Variants in CPEB2 observed in about 807,000 individuals in gnomAD.
CPEB2 encodes the protein cytoplasmic polyadenylation element binding protein 2, also known as cytoplasmic polyadenylation element-binding protein 2.
A neutral mutation model predicts 93.6 loss-of-function variants in CPEB2; 56 were observed. The ratio of observed to expected loss-of-function variants is 0.60; its 90% CI spans 0.48 to 0.75. The LOEUF is 0.75. Among genes scored for constraint, CPEB2 ranks in the 30% least tolerant of loss-of-function variants. The pLI is 0.00. For synonymous variants in CPEB2, 764 were observed against 586.3 expected (o/e 1.30, Z -4.38); for missense variants, 1,579 against 1,395.1 (o/e 1.13, Z -2.10).
At chr4:15,046,756 A>G (rs890707312) in intron 6 of CPEB2, among the ~76,000 whole-genome samples, 3 of 152,130 alleles carry the variant, frequency 2.0e-5, no homozygotes, top group African/African-American at 7.2e-5. Flanking sequence ...CCTATTTTCC[A>G]GTAGCGTATT....
chr4:15,033,251 A>C (rs374525071), intron 5 of CPEB2, 40 bp downstream of exon 5: 538 of 1,260,392 alleles, frequency 4.3e-4, no homozygotes, highest in Non-Finnish European at 5.8e-4. Context: ...CAGTTGATTT[A>C]TGTAAAGATG....
rs527630065 is a variant in CPEB2 at position 15,003,723 on chromosome 4, GGGC to G, written c.1068_1070del (p.Gly360del). ...TGCAGAGCCCGGACCTTCCACACCC[GGGC>G]GGCGGCGGCGGCGGCGGGGGCGGGG... On this transcript the variant is annotated inframe_deletion, in exon 1 of 12. Transcript: ENST00000538197. The G allele has an allele frequency of 8.4e-4, 1,090 of 1,292,958 alleles. No individual in the cohort carries two copies. The highest frequency in any genetic ancestry group is 4.1e-3 in the South Asian group (163 of 39,464). 80.1% of individuals were successfully genotyped at this position (1,292,958 alleles called of 1,614,324 possible).
intron 3 of CPEB2, among the ~76,000 whole-genome samples, chr4:15,015,759 C>G (rs963068059): frequency 6.6e-6 from 1 of 151,952 alleles, no homozygotes; most frequent in African/African-American, 2.4e-5. Flanking sequence ...CCAAGACAAT[C>G]AGTGGATGGC....
chr4:15,043,643 A>G (rs917203066), intron 6 of CPEB2, among the ~76,000 whole-genome samples: 5 of 152,142 alleles, frequency 3.3e-5, no homozygotes, highest in African/African-American at 1.2e-4. Flanking sequence ...CTATAGCACA[A>G]TAAGTTCCTT....
intron 1 of CPEB2, 117 bp from the exon 2 acceptor site, chr4:15,007,188 G>T: frequency 1.3e-6 from 1 of 769,376 alleles, no homozygotes; most frequent in Non-Finnish European, 1.9e-6. Context: ...TAGAAAAGAT[G>T]TATTCTTTTG....
chr4:15,067,972 A>G lies in CPEB2; in HGVS notation c.*1592A>G, dbSNP rs2109124256. 1 of 152,466 alleles carries G rather than the reference A, an allele frequency of 6.6e-6. No individual in the cohort carries two copies. The highest frequency in any genetic ancestry group is 2.4e-5 in the African/African-American group (1 of 41,550). 9.4% of individuals were successfully genotyped at this position (152,466 alleles called of 1,614,324 possible). On this transcript the variant is annotated 3_prime_UTR_variant, in exon 12 of 12. Coordinates refer to ENST00000538197, the MANE Select transcript of CPEB2 (RefSeq NM_001177382.2). ...TGAGTTTCTCTTGGTACTGAACACT[A>G]TTAGAATATCATTAGTGATATTTTT...
chr4:15,037,861 TTTTTAAAAACA>T (rs1469838431), intron 5 of CPEB2, among the ~76,000 whole-genome samples: 1 of 152,208 alleles, frequency 6.6e-6, no homozygotes, highest in Non-Finnish European at 1.5e-5. Flanking sequence ...ATTAAAAGTC[TTTTTAAAAACA>T]TAAGTCACTT....
At position 15,003,773 on chromosome 4, in the gene CPEB2, G is replaced by C; in HGVS notation, c.1100G>C (p.Gly367Ala). 1 of 1,172,998 alleles carries C rather than the reference G, an allele frequency of 8.5e-7. No homozygotes were observed. Among genetic ancestry groups the C allele is most frequent in the Non-Finnish European group, 1.1e-6 (1 of 942,916 alleles). 72.7% of individuals were successfully genotyped at this position (1,172,998 alleles called of 1,614,324 possible). ...GGGGPPGGGGGGGSASPPPLP... is the reference protein window; with the variant it reads ...GGGGPPGGGGAGGSASPPPLP... ...GGGGGGCCCCCAGGAGGCGGAGGGG[G>C]AGGCGGCTCCGCGTCGCCGCCGCCG... The change falls in exon 1 of 12, where the codon GGA becomes GCA. Residue 367 changes from glycine to alanine, a missense_variant. By Grantham distance (60) the Gly-to-Ala change is moderately conservative. Transcript: ENST00000538197.
rs1315556591 is a variant in CPEB2, at chr4:15,069,926, A to G, written c.*3546A>G. 2.0e-5 allele frequency: 3 copies of G among 152,130 alleles called. No homozygotes were observed. Among genetic ancestry groups the G allele is most frequent in the Non-Finnish European group, 4.4e-5 (3 of 67,782 alleles). The allele number at this position is 152,130 out of a possible 1,614,324, so 9.4% of individuals were successfully genotyped here. A position where few individuals can be genotyped will look rare whatever the true frequency, so the allele number is the denominator to read the frequency against. On this transcript the variant is annotated 3_prime_UTR_variant, in exon 12 of 12. Transcript: ENST00000538197. ...TTATTTTTTTCTAAATAAAAAGAGAACCCATGCTTTTATGGACACTAGGTA... is the reference window on the plus strand; with the variant it reads ...TTATTTTTTTCTAAATAAAAAGAGAGCCCATGCTTTTATGGACACTAGGTA...
rs1275231870 is a variant in CPEB2 at position 15,003,647 on chromosome 4, C to T, written c.974C>T (p.Pro325Leu). ...ESPNHPLLNS[P>L]SNLLPGGALG... Reference sequence around the variant, plus strand: ...CCCAACCACCCTCTGCTCAACAGTCCCAGTAACCTCCTGCCCGGAGGTGCG... The same window carrying T: ...CCCAACCACCCTCTGCTCAACAGTCTCAGTAACCTCCTGCCCGGAGGTGCG... Residue 325 changes from proline to leucine, a missense_variant, in exon 1 of 12, where the codon CCC (proline) becomes CTC (leucine). By Grantham distance (98) the Pro-to-Leu change is moderately conservative. Around this residue, in one of 2 missense-constraint regions of CPEB2, gnomAD observed 1,411 missense variants for 1,056.0 expected, o/e 1.34. Transcript: ENST00000538197. The T allele has an allele frequency of 9.5e-6, 14 of 1,479,044 alleles. No individual in the cohort carries two copies. The highest frequency in any genetic ancestry group is 1.3e-5 in the South Asian group (1 of 79,126). 91.6% of individuals were successfully genotyped at this position (1,479,044 alleles called of 1,614,324 possible). A position where few individuals can be genotyped will look rare whatever the true frequency, so the allele number is the denominator to read the frequency against.
At chr4:15,061,921 C>T (rs2702572) in intron 10 of CPEB2, among the ~76,000 whole-genome samples, 158 bp from the exon 11 acceptor site, 35,424 of 150,216 alleles carry the variant, frequency 0.24, 6,123 homozygotes, top group African/African-American at 0.49. Context: ...AAAGCATCCT[C>T]GATCCCCGTC....
intron 6 of CPEB2, among the ~76,000 whole-genome samples, chr4:15,048,969 C>G (rs943920976): frequency 6.6e-6 from 1 of 151,824 alleles, no homozygotes; most frequent in South Asian, 2.1e-4. Context: ...ATTCAGTTAA[C>G]TCTTCTTTTA....
intron 3 of CPEB2, among the ~76,000 whole-genome samples, chr4:15,009,790 G>A (rs1023858808): frequency 1.3e-5 from 2 of 152,176 alleles, no homozygotes; most frequent in South Asian, 2.1e-4. Flanking sequence ...AGGGACAGAT[G>A]TTGAGAAATC....
chr4:15,002,787 G>A lies in CPEB2; in HGVS notation c.114G>A (p.Pro38=). 3 of 1,535,434 alleles carry A rather than the reference G, an allele frequency of 2.0e-6. No homozygotes were observed. Among genetic ancestry groups the A allele is most frequent in the Non-Finnish European group, 2.6e-6 (3 of 1,146,602 alleles). The stretch of plus-strand genomic sequence containing the variant: ...CTTACGCCGTGGGGTCCGTCAACCC[G>A]CTGCCCTCCGCCACGCCCTTCGGCC... The part of the protein sequence containing the change: ...YGPYAVGSVN[P]LPSATPFGPL... The change falls in exon 1 of 12, where the codon CCG becomes CCA. Residue 38 remains proline, a synonymous_variant. Coordinates refer to ENST00000538197, the MANE Select transcript of CPEB2 (RefSeq NM_001177382.2).
In CPEB2 at chr4:15,069,012, A is replaced by G. The variant is rs1729901185; in HGVS notation, c.*2632A>G. On this transcript the variant is annotated 3_prime_UTR_variant, in exon 12 of 12. Coordinates refer to ENST00000538197, the MANE Select transcript of CPEB2 (RefSeq NM_001177382.2). The stretch of plus-strand genomic sequence containing the variant: ...TTAATTTACAGATCATATTTATTTT[A>G]CTATTTTTGTAGAAAATTATTAATT... 2.0e-5 allele frequency: 3 copies of G among 150,918 alleles called. No homozygotes were observed. Among genetic ancestry groups the G allele is most frequent in the South Asian group, 4.2e-4 (2 of 4,806 alleles). The allele number at this position is 150,918 out of a possible 1,614,324, so 9.3% of individuals were successfully genotyped here. A position where few individuals can be genotyped will look rare whatever the true frequency, so the allele number is the denominator to read the frequency against.
intron 8 of CPEB2, among the ~76,000 whole-genome samples, chr4:15,055,922 C>G (rs1235225217): frequency 6.6e-6 from 1 of 152,122 alleles, no homozygotes; most frequent in African/African-American, 2.4e-5. Context: ...AAGTTGATCA[C>G]AGAAAACATT....
intron 5 of CPEB2, 123 bp downstream of exon 5, chr4:15,033,334 C>A: frequency 5.9e-6 from 4 of 682,056 alleles, no homozygotes; most frequent in South Asian, 1.8e-5. Context: ...AATAAAGTTA[C>A]AACTATTCCT....
rs1728882750 is a variant in CPEB2 at position 15,058,208 on chromosome 4, G to A, written c.2462-213G>A. Among the ~76,000 whole-genome samples, 3 of 152,056 alleles carry A rather than the reference G, an allele frequency of 2.0e-5. No individual in the cohort carries two copies. In the South Asian group the frequency reaches 6.2e-4, roughly 31 times the overall value. ...GTTAATACAGTATCTGATAGCAAGT[G>A]TTCTATATAAAGTAGCCAATTGCTT... On this transcript the variant is annotated intron_variant, in intron 8 of 11. Transcript: ENST00000538197.
chr4:15,042,253 A>C (rs1174086644), intron 6 of CPEB2, among the ~76,000 whole-genome samples: 1 of 152,226 alleles, frequency 6.6e-6, no homozygotes, highest in African/African-American at 2.4e-5. Flanking sequence ...TGACCTAAGA[A>C]GTTCTTAGGA....
Sources: gnomAD v4.1 joint callset for allele counts (sites outside exome capture counted in the v4.1 genomes callset) on GRCh38, gnomAD v4.1.1 for gene constraint, gnomAD v4.1.1 regional missense constraint, MANE v1.5 for transcripts, NCBI Gene and HGNC (gene_info 2026-07-23, HGNC 2026-07-21) for gene names.